The following CCDC88A variants were observed in gnomAD, a reference collection of about 807,000 sequenced individuals.
CCDC88A encodes coiled-coil and HOOK domain protein 88A.
In CCDC88A, 54 loss-of-function variants were observed where a neutral mutation model predicts 234.3. The ratio of observed to expected loss-of-function variants is 0.23; its 90% CI spans 0.19 to 0.29. The LOEUF is 0.29. Among genes scored for constraint, CCDC88A ranks in the 10% least tolerant of loss-of-function variants. The pLI, the probability that CCDC88A is intolerant of heterozygous loss-of-function variation, is 1.00. For synonymous variants in CCDC88A, 753 were observed against 737.8 expected (o/e 1.02, Z -0.33); for missense variants, 1,832 against 2,123.4 (o/e 0.86, Z 2.70).
At chr2:55,394,682 T>C (rs1359763585) in intron 2 of CCDC88A, 2 of 135,976 alleles carry the variant, frequency 1.5e-5, no homozygotes, top group African/African-American at 5.3e-5. Flanking sequence ...GGGGGAGGGA[T>C]AGCATTAGGA....
intron 2 of CCDC88A, among the ~76,000 whole-genome samples, chr2:55,412,730 T>C (rs1457673841): frequency 1.3e-5 from 2 of 152,358 alleles, no homozygotes; most frequent in Non-Finnish European, 2.9e-5. Context: ...GATAATAATA[T>C]AAATAAAACA....
intron 26 of CCDC88A, among the ~76,000 whole-genome samples, 161 bp from the exon 27 acceptor site, chr2:55,302,233 GAATGA>G (rs1299210072): frequency 6.6e-6 from 1 of 152,170 alleles, no homozygotes; most frequent in African/African-American, 2.4e-5. Flanking sequence ...GCATTCAGCT[GAATGA>G]AATGAGTAGG....
chr2:55,346,066 C>T lies in CCDC88A; in HGVS notation c.1041+109G>A, dbSNP rs1669073924. On this transcript the variant is annotated intron_variant, in intron 10 of 32. Coordinates refer to ENST00000436346, the MANE Select transcript of CCDC88A (RefSeq NM_001365480.1). The stretch of plus-strand genomic sequence containing the variant: ...AAATAAACATACCCAAATGTATTTA[C>T]TGTTTGTTCACCATTTCAAGAGTTT... 25 of 699,934 alleles carry T rather than the reference C, an allele frequency of 3.6e-5. No homozygotes were observed. In the South Asian group the frequency reaches 5.7e-4, roughly 16 times the overall value. 43.4% of individuals were successfully genotyped at this position (699,934 alleles called of 1,614,324 possible).
intron 3 of CCDC88A, among the ~76,000 whole-genome samples, chr2:55,386,161 T>C (rs191275449): frequency 3.1e-4 from 47 of 151,890 alleles, no homozygotes; most frequent in African/African-American, 1.0e-3. Flanking sequence ...AGCCAGAGGT[T>C]GCAGTGGTCA....
chr2:55,407,880 G>C (rs1248053226), intron 2 of CCDC88A, among the ~76,000 whole-genome samples: 1 of 151,332 alleles, frequency 6.6e-6, no homozygotes, highest in South Asian at 2.1e-4. Context: ...ACCATGCCCA[G>C]CTAACTTTTG....
chr2:55,363,138 G>A (rs1236003686), intron 6 of CCDC88A, among the ~76,000 whole-genome samples: 1 of 151,838 alleles, frequency 6.6e-6, no homozygotes, highest in Admixed American at 6.6e-5. Flanking sequence ...TCTATAATGG[G>A]AGACTACCTA....
At chr2:55,365,888 C>G (rs1025834524) in intron 5 of CCDC88A, among the ~76,000 whole-genome samples, 3 of 152,146 alleles carry the variant, frequency 2.0e-5, no homozygotes, top group Non-Finnish European at 4.4e-5. Context: ...TAGCTATATG[C>G]AGCTACTGAG....
At chr2:55,354,218 G>A (rs989576067) in intron 8 of CCDC88A, among the ~76,000 whole-genome samples, 3 of 150,596 alleles carry the variant, frequency 2.0e-5, no homozygotes, top group African/African-American at 7.3e-5. Flanking sequence ...TTGACTCACT[G>A]CAACTTCCAC....
intron 13 of CCDC88A, among the ~76,000 whole-genome samples, chr2:55,338,017 T>C (rs141306380): frequency 9.7e-4 from 148 of 152,300 alleles, no homozygotes; most frequent in Admixed American, 2.7e-3. Context: ...ATAACAATTA[T>C]TGAAACTCAT....
At chr2:55,354,546 T>C (rs184291068) in intron 8 of CCDC88A, among the ~76,000 whole-genome samples, 1 of 151,816 alleles carries the variant, frequency 6.6e-6, no homozygotes, top group East Asian at 2.0e-4. Context: ...ATATTTTCTT[T>C]CTTTATATCC....
intron 7 of CCDC88A, among the ~76,000 whole-genome samples, chr2:55,358,008 C>G (rs1430517960): frequency 6.6e-6 from 1 of 152,160 alleles, no homozygotes; most frequent in Non-Finnish European, 1.5e-5. Flanking sequence ...AACCTTTAAT[C>G]ACTCAACTCC....
chr2:55,365,830 A>T (rs1574298284), intron 5 of CCDC88A, among the ~76,000 whole-genome samples: 1 of 152,250 alleles, frequency 6.6e-6, no homozygotes, highest in East Asian at 1.9e-4. Flanking sequence ...TTGAAGCTGA[A>T]TAATCAGATC....
At chr2:55,302,344 A>G (rs535117573) in intron 26 of CCDC88A, among the ~76,000 whole-genome samples, 1 of 152,290 alleles carries the variant, frequency 6.6e-6, no homozygotes, top group South Asian at 2.1e-4. Flanking sequence ...CTGCCATGCG[A>G]TTGTGCAGCG....
chr2:55,388,690 G>A (rs1004193170), intron 3 of CCDC88A, 88 bp downstream of exon 3: 41 of 617,882 alleles, frequency 6.6e-5, no homozygotes, highest in African/African-American at 4.3e-4. Flanking sequence ...TATAATAAGC[G>A]TTTAAATATT....
At chr2:55,292,965 G>A (rs1321822396) in intron 31 of CCDC88A, 3 of 151,624 alleles carry the variant, frequency 2.0e-5, no homozygotes, top group Admixed American at 6.6e-5. Flanking sequence ...ACAGTCCTCA[G>A]GACACATGGA....
chr2:55,332,712 C>G lies in CCDC88A; in HGVS notation c.2728-19G>C, dbSNP rs1173642455. 1.2e-6 allele frequency: 2 copies of G among 1,610,034 alleles called. No individual in the cohort carries two copies. The highest frequency in any genetic ancestry group is 1.7e-6 in the Non-Finnish European group (2 of 1,177,776). ...CCAAATCCTTATTTTAAAAGAAATG[C>G]AAAACTCACCTAAGTGTCAAGGGTA... On this transcript the variant is annotated intron_variant, in intron 15 of 32. Transcript: ENST00000436346. This position sits in a 1 kb window ranked among gnomAD's most constrained non-coding sequence, Gnocchi z 4.5.
chr2:55,337,196 G>A (rs1667906849), intron 13 of CCDC88A: 1 of 162,040 alleles, frequency 6.2e-6, no homozygotes, highest in Non-Finnish European at 1.3e-5. Flanking sequence ...TGAGCAAGAA[G>A]GCAGGAGAAG....
chr2:55,376,064 ATTCT>A (rs138629834), intron 3 of CCDC88A, among the ~76,000 whole-genome samples: 1,736 of 152,316 alleles, frequency 0.011, 21 homozygotes, highest in Middle Eastern at 0.021. Flanking sequence ...AAAGAACTGA[ATTCT>A]TTCTAATTCT....
rs763392095 is a variant in CCDC88A at position 55,296,354 on chromosome 2, C to G, written c.4995G>C (p.Glu1665Asp). The change falls in exon 30 of 33, where the codon GAG becomes GAC. Residue 1665 changes from glutamate to aspartate, a missense_variant. Transcript: ENST00000436346. ...VLQHKISETL[E>D]SRHHKIKTGS... is the part of the protein sequence containing the mutation. ...CAGTTTTGATCTTGTGATGTCGACTCTCCAGTGTTTCAGATATTTTGTGCT... is the reference window on the plus strand; with the variant it reads ...CAGTTTTGATCTTGTGATGTCGACTGTCCAGTGTTTCAGATATTTTGTGCT... 4.0e-5 allele frequency: 65 copies of G among 1,614,160 alleles called. No homozygotes were observed. The South Asian group carries it at 6.6e-4, about 16-fold the overall frequency.
Sources: allele counts gnomAD v4.1 joint callset (sites outside exome capture counted in the v4.1 genomes callset), GRCh38; gene constraint gnomAD v4.1.1; non-coding constraint Gnocchi (gnomAD v3.1); transcripts MANE v1.5; gene names NCBI Gene and HGNC (gene_info 2026-07-23, HGNC 2026-07-21).